VPS45: variants seen among roughly 807,000 people sequenced by gnomAD.
The protein encoded by VPS45 is vacuolar protein sorting-associated protein 45.
In VPS45, 35 loss-of-function variants were observed where a neutral mutation model predicts 75.9. The observed-to-expected ratio is 0.46, with a 90% CI of 0.35 to 0.61. VPS45 has a LOEUF of 0.61. Among genes scored for constraint, VPS45 ranks in the 20% least tolerant of loss-of-function variants. The pLI is 0.00. For synonymous variants in VPS45, 220 were observed against 238.2 expected, an observed-to-expected ratio of 0.92 and a Z score of 0.70; for missense variants, 559 against 685.9, an observed-to-expected ratio of 0.81 and a Z score of 2.07.
At position 150,144,865 on chromosome 1, in the gene VPS45, G is replaced by C. The variant is rs1553816236; in HGVS notation, c.*69G>C. The C allele has an allele frequency of 6.2e-7, 1 of 1,607,224 alleles. No individual in the cohort carries two copies. The highest frequency in any genetic ancestry group is 8.5e-7 in the Non-Finnish European group (1 of 1,177,342). On this transcript the variant is annotated 3_prime_UTR_variant, in exon 15 of 15. Coordinates refer to ENST00000644510, the MANE Select transcript of VPS45 (RefSeq NM_007259.5). ...CTACAGGTTTTCCCTACTAAACAAA[G>C]GTGTTGGAGAGCAGCTTTGGGTTCT...
chr1:150,142,757 C>T, intron 14 of VPS45: 1 of 390,348 alleles, frequency 2.6e-6, no homozygotes. Context: ...CCTCTGCCTC[C>T]AGGCTCAAGC....
In VPS45 at chr1:150,132,333, A is replaced by C. The variant is rs115406081; in HGVS notation, c.1626-12376A>C. The stretch of plus-strand genomic sequence containing the variant: ...AAGTTAAAAATGTAAGGAAAAACTC[A>C]AACATGCTTAACTCTGTATAGTGAG... On this transcript the variant is annotated intron_variant, in intron 14 of 14. Coordinates refer to ENST00000644510, the MANE Select transcript of VPS45 (RefSeq NM_007259.5). Among the ~76,000 whole-genome samples, 1,297 of 152,306 alleles carry C rather than the reference A, an allele frequency of 8.5e-3. 14 individuals are homozygous for C. The highest frequency in any genetic ancestry group is 0.029 in the African/African-American group (1,214 of 41,560).
At position 150,092,304 on chromosome 1, in the gene VPS45, C is replaced by T. The variant is rs782520287; in HGVS notation, c.1266C>T (p.Leu422=). 2.5e-6 allele frequency: 4 copies of T among 1,613,344 alleles called. No individual in the cohort carries two copies. Among genetic ancestry groups the T allele is most frequent in the East Asian group, 2.2e-5 (1 of 44,854 alleles). ...AATTTGCTTCTCTTTCTTAATAGCT[C>T]GTGTCTGCAGTTGTTGAATATGGTG... is the stretch of plus-strand genomic sequence containing the variant. ...NKGVSEKYRK[L]VSAVVEYGGK... is the part of the protein sequence containing the mutation. Residue 422 remains leucine (L), a splice_region_variant and synonymous_variant, in exon 12 of 15, where the codon CTC becomes CTT. Coordinates refer to ENST00000644510, the MANE Select transcript of VPS45 (RefSeq NM_007259.5).
intron 7 of VPS45, 34 bp from the exon 8 acceptor site, chr1:150,081,308 C>T: frequency 6.4e-7 from 1 of 1,566,344 alleles, no homozygotes; most frequent in Non-Finnish European, 8.6e-7. Context: ...CATATTCTGT[C>T]AGTTACCTTT....
At chr1:150,098,622 T>C (rs1553803550) in intron 13 of VPS45, among the ~76,000 whole-genome samples, 1 of 152,216 alleles carries the variant, frequency 6.6e-6, no homozygotes, top group African/African-American at 2.4e-5. Flanking sequence ...TAATAGAAAT[T>C]CTAGGTTTTA....
intron 10 of VPS45, among the ~76,000 whole-genome samples, chr1:150,090,829 A>C (rs190009240): frequency 6.6e-6 from 1 of 152,318 alleles, no homozygotes; most frequent in East Asian, 1.9e-4. Context: ...TTGCTTTTTT[A>C]CACAGTGCAA....
rs151292369 is a variant in VPS45 at position 150,093,597 on chromosome 1, G to A, written c.1442G>A (p.Arg481Lys). 34 of 1,613,770 alleles carry A rather than the reference G, an allele frequency of 2.1e-5. No homozygotes were observed. The African/African-American group carries it at 4.0e-4, about 19-fold the overall frequency. Residue 481 changes from arginine (R) to lysine (K), a missense_variant, in exon 13 of 15, where the codon AGG becomes AAG. Coordinates refer to ENST00000644510, the MANE Select transcript of VPS45 (RefSeq NM_007259.5). ...HETLDHLIKGRLKENLYPYLG... is the reference protein window; with the variant it reads ...HETLDHLIKGKLKENLYPYLG... ...ACCCTGGATCATCTCATCAAAGGAA[G>A]GCTTAAGGAAAACCTATATCCTTAT...
intron 14 of VPS45, among the ~76,000 whole-genome samples, chr1:150,140,389 GTGTGTGTGTGTGT>G (rs1659331524): frequency 9.2e-6 from 1 of 109,154 alleles, no homozygotes; most frequent in African/African-American, 4.1e-5. Context: ...CACTTCTGGT[GTGTGTGTGTGTGT>G]GTGTGTGTGT....
At chr1:150,107,995 T>C (rs74127438) in intron 13 of VPS45, among the ~76,000 whole-genome samples, 3,274 of 152,200 alleles carry the variant, frequency 0.022, 96 homozygotes, top group African/African-American at 0.074. Context: ...TTCCCTCTTT[T>C]TCTCACTATG....
At chr1:150,121,446 A>G (rs1285148922) in intron 14 of VPS45, among the ~76,000 whole-genome samples, 2 of 152,208 alleles carry the variant, frequency 1.3e-5, no homozygotes, top group Non-Finnish European at 2.9e-5. Context: ...GGGTCTATGC[A>G]GGTTTGCAGT....
At chr1:150,110,157 T>C (rs1657566769) in intron 13 of VPS45, 1 of 197,340 alleles carries the variant, frequency 5.1e-6, no homozygotes, top group Non-Finnish European at 1.0e-5. Context: ...GCCGTATTGA[T>C]ATCATGTCAT....
At chr1:150,128,067 G>A (rs1190404625) in intron 14 of VPS45, among the ~76,000 whole-genome samples, 4 of 152,066 alleles carry the variant, frequency 2.6e-5, no homozygotes, top group Non-Finnish European at 4.4e-5. Context: ...TTGGGAGGCC[G>A]GGGCGGGCAG....
chr1:150,098,376 G>A (rs1313618133), intron 13 of VPS45, among the ~76,000 whole-genome samples: 1 of 152,096 alleles, frequency 6.6e-6, no homozygotes, highest in Non-Finnish European at 1.5e-5. Flanking sequence ...AATTCTATAG[G>A]CATCTCTTCT....
intron 14 of VPS45, among the ~76,000 whole-genome samples, chr1:150,120,608 G>A (rs1222521816): frequency 6.6e-6 from 1 of 152,052 alleles, no homozygotes; most frequent in Non-Finnish European, 1.5e-5. Flanking sequence ...GCTCTTTCTT[G>A]CATACTTTAT....
intron 14 of VPS45, among the ~76,000 whole-genome samples, chr1:150,112,481 G>A (rs1274537985): frequency 6.6e-6 from 1 of 152,166 alleles, no homozygotes; most frequent in African/African-American, 2.4e-5. Context: ...AAACTGTGCT[G>A]TAGGGTTTCC....
intron 13 of VPS45, among the ~76,000 whole-genome samples, chr1:150,100,640 G>T (rs1451174629): frequency 1.3e-5 from 2 of 152,154 alleles, no homozygotes; most frequent in Non-Finnish European, 2.9e-5. Flanking sequence ...CAAGCACATA[G>T]ACCAATGGAA....
At chr1:150,071,846 T>C (rs1278494077) in intron 2 of VPS45, among the ~76,000 whole-genome samples, 1 of 151,746 alleles carries the variant, frequency 6.6e-6, no homozygotes, top group Admixed American at 6.6e-5. Flanking sequence ...AGCAGCTTGA[T>C]GTGAGTTTGC....
In VPS45 at chr1:150,092,765, C is replaced by CATTTGATCTT. The variant is rs372481707; in HGVS notation, c.1371+356_1371+357insATTTGATCTT. 7.1e-3 allele frequency among the ~76,000 whole-genome samples: 1,056 copies of CATTTGATCTT among 148,352 alleles called. 8 individuals carry two copies. Among genetic ancestry groups the CATTTGATCTT allele is most frequent in the Middle Eastern group, 0.035 (10 of 286 alleles). The stretch of plus-strand genomic sequence containing the variant: ...TGAAGGAAATTAAAGATGAAGCAAA[C>CATTTGATCTT]TTTTGATCTTTTAAAAATACTAACC... On this transcript the variant is annotated intron_variant, in intron 12 of 14. Coordinates refer to ENST00000644510, the MANE Select transcript of VPS45 (RefSeq NM_007259.5).
chr1:150,091,925 A>T lies in VPS45; in HGVS notation c.1105-12A>T. 6.2e-7 allele frequency: 1 copy of T among 1,610,716 alleles called. No homozygotes were observed. Among genetic ancestry groups the T allele is most frequent in the Non-Finnish European group, 8.5e-7 (1 of 1,178,818 alleles). ...TGAAAGGGGGATAAATATAAGTTCTATCTTTCTTCAGAATATAAAAAGGCT... is the reference window on the plus strand; with the variant it reads ...TGAAAGGGGGATAAATATAAGTTCTTTCTTTCTTCAGAATATAAAAAGGCT... On this transcript the variant is annotated splice_polypyrimidine_tract_variant and intron_variant, in intron 10 of 14. Transcript: ENST00000644510.
Sources: gnomAD v4.1 joint callset for allele counts (sites outside exome capture counted in the v4.1 genomes callset) on GRCh38, gnomAD v4.1.1 for gene constraint, MANE v1.5 for transcripts, NCBI Gene and HGNC (gene_info 2026-07-23, HGNC 2026-07-21) for gene names.